AGPAT3: variants seen among roughly 807,000 people sequenced by gnomAD.
AGPAT3 encodes the protein 1-acylglycerol-3-phosphate O-acyltransferase 3.
In AGPAT3, 5 loss-of-function variants were observed where a neutral mutation model predicts 47.3. The observed-to-expected ratio is 0.11, with a 90% CI of 0.06 to 0.22. The LOEUF is 0.22. Ranked by LOEUF, AGPAT3 falls within the 10% of genes least tolerant of loss-of-function variation. The pLI is 1.00. For synonymous variants in AGPAT3, 212 were observed against 208.3 expected (o/e 1.02, Z -0.15); for missense variants, 315 against 493.0 (o/e 0.64, Z 3.42).
chr21:43,873,780 T>C (rs1019810861), intron 1 of AGPAT3, among the ~76,000 whole-genome samples: 2 of 152,230 alleles, frequency 1.3e-5, no homozygotes, highest in Admixed American at 6.5e-5. Flanking sequence ...AAAATGGTTT[T>C]ACCTTTCTTT....
chr21:43,931,627 G>A (rs558683980), intron 2 of AGPAT3, among the ~76,000 whole-genome samples: 4 of 151,684 alleles, frequency 2.6e-5, no homozygotes, highest in East Asian at 3.9e-4. Context: ...CCGTTAGTGC[G>A]ACTCCCAGGC....
chr21:43,914,692 C>T (rs2086692385), intron 2 of AGPAT3, among the ~76,000 whole-genome samples: 2 of 151,830 alleles, frequency 1.3e-5, no homozygotes, highest in African/African-American at 4.8e-5. Context: ...TGGTGTGCCC[C>T]ACCACGCCCA....
intron 2 of AGPAT3, among the ~76,000 whole-genome samples, chr21:43,943,796 T>C (rs1031697349): frequency 3.7e-4 from 56 of 152,286 alleles, no homozygotes; most frequent in African/African-American, 1.3e-3. Flanking sequence ...AGTGGCAGCT[T>C]ATTACCACAT....
At chr21:43,948,344 T>C (rs2088009166) in intron 2 of AGPAT3, 1 of 152,150 alleles carries the variant, frequency 6.6e-6, no homozygotes, top group Non-Finnish European at 1.5e-5. Flanking sequence ...TGACCAGAGG[T>C]ATTTGTTTCT....
Position 43,983,455 on chromosome 21 carries a change from C to T in AGPAT3, c.*1063C>T, listed in dbSNP as rs964991794. On this transcript the variant is annotated 3_prime_UTR_variant, in exon 10 of 10. Coordinates refer to ENST00000291572, the MANE Select transcript of AGPAT3 (RefSeq NM_020132.5). ...AGGTGGGGCACCCCCCACCCCCCAG[C>T]CTCGCACTGTGTCCTTGGGGAAGGC... 1 of 152,276 alleles carries T rather than the reference C, an allele frequency of 6.6e-6. No homozygotes were observed. The highest frequency in any genetic ancestry group is 1.5e-5 in the Non-Finnish European group (1 of 68,086). 9.4% of individuals were successfully genotyped at this position (152,276 alleles called of 1,614,324 possible). A position where few individuals can be genotyped will look rare whatever the true frequency, so the allele number is the denominator to read the frequency against.
rs2086249826 is a variant in AGPAT3 at position 43,897,533 on chromosome 21, TCCTCACATCCCAGAGGGGGCGGCC to T, written c.-111-6423_-111-6400del. ...AGACAGGGCGGCCGGGCAGAGGCGC[TCCTCACATCCCAGAGGGGGCGGCC>T]GGGCAGAGGCGCTCCTCACATCCCA... On this transcript the variant is annotated intron_variant, in intron 1 of 9. Coordinates refer to ENST00000291572, the MANE Select transcript of AGPAT3 (RefSeq NM_020132.5). Among the ~76,000 whole-genome samples, 8 of 151,368 alleles carry T rather than the reference TCCTCACATCCCAGAGGGGGCGGCC, an allele frequency of 5.3e-5. 1 individual carries two copies. The highest frequency in any genetic ancestry group is 1.7e-4 in the African/African-American group (7 of 41,178).
intron 1 of AGPAT3, among the ~76,000 whole-genome samples, chr21:43,895,525 T>TTA (rs1226506167): frequency 1.3e-4 from 19 of 151,938 alleles, no homozygotes; most frequent in African/African-American, 4.3e-4. Flanking sequence ...TTTTTTTTTT[T>TTA]TTTTTACTAT....
intron 1 of AGPAT3, among the ~76,000 whole-genome samples, chr21:43,872,629 A>T (rs2085645933): frequency 6.6e-6 from 1 of 152,218 alleles, no homozygotes; most frequent in South Asian, 2.1e-4. Flanking sequence ...CTCAGTAGAC[A>T]TTCACGTCAT....
In AGPAT3 at chr21:43,876,683, A is replaced by G. The variant is rs370880651; in HGVS notation, c.-112+11338A>G. Among the ~76,000 whole-genome samples the G allele has an allele frequency of 4.6e-5, 7 of 152,314 alleles. 1 individual carries two copies. The highest frequency in any genetic ancestry group is 2.0e-4 in the Admixed American group (3 of 15,294). On this transcript the variant is annotated intron_variant, in intron 1 of 9. Coordinates refer to ENST00000291572, the MANE Select transcript of AGPAT3 (RefSeq NM_020132.5). ...CAGTAGAAGGAATGTCACAGATTAG[A>G]TATACCAAAATGACCAGGCTGTCTG...
intron 1 of AGPAT3, among the ~76,000 whole-genome samples, chr21:43,903,675 G>A (rs1450802474): frequency 1.3e-5 from 2 of 152,214 alleles, no homozygotes; most frequent in Non-Finnish European, 2.9e-5. Context: ...GTCCTTCCTG[G>A]GGCGTGACCT....
chr21:43,879,195 C>G (rs569706939), intron 1 of AGPAT3, among the ~76,000 whole-genome samples: 1 of 152,012 alleles, frequency 6.6e-6, no homozygotes, highest in South Asian at 2.1e-4. Context: ...ACTAAAAATA[C>G]AAAAACTAGC....
At chr21:43,974,258 A>G (rs1378373596) in intron 7 of AGPAT3, among the ~76,000 whole-genome samples, 4 of 152,050 alleles carry the variant, frequency 2.6e-5, no homozygotes, top group Non-Finnish European at 5.9e-5. Context: ...TATAAATTAT[A>G]TGTGTGTGGT....
chr21:43,916,000 T>C (rs2086720009), intron 2 of AGPAT3, among the ~76,000 whole-genome samples: 1 of 152,214 alleles, frequency 6.6e-6, no homozygotes, highest in Non-Finnish European at 1.5e-5. Flanking sequence ...TTTTTACTTC[T>C]ATTTTCCCTT....
At chr21:43,943,232 G>A (rs557142826) in intron 2 of AGPAT3, among the ~76,000 whole-genome samples, 6 of 152,080 alleles carry the variant, frequency 3.9e-5, no homozygotes, top group Non-Finnish European at 8.8e-5. Context: ...CGGCCACCAC[G>A]CCCGGCTAAT....
chr21:43,965,199 G>A (rs988354715), intron 3 of AGPAT3: 2 of 152,306 alleles, frequency 1.3e-5, no homozygotes, highest in African/African-American at 4.8e-5. Context: ...TGGGCTGCTG[G>A]GATTACAGGC....
At chr21:43,899,012 G>A (rs574505316) in intron 1 of AGPAT3, among the ~76,000 whole-genome samples, 3 of 152,086 alleles carry the variant, frequency 2.0e-5, no homozygotes, top group South Asian at 4.1e-4. Flanking sequence ...CACTCTGCCC[G>A]GCCTGATTAC....
rs151002444 is a variant in AGPAT3 at position 43,959,800 on chromosome 21, C to G, written c.119C>G (p.Pro40Arg). 2 of 1,613,154 alleles carry G rather than the reference C, an allele frequency of 1.2e-6. No homozygotes were observed. Among genetic ancestry groups the G allele is most frequent in the Non-Finnish European group, 1.7e-6 (2 of 1,179,920 alleles). Residue 40 changes from proline to arginine, a missense_variant, in exon 3 of 10, where the codon CCG becomes CGG. Transcript: ENST00000291572. ...CAGCTGTGCACGCTGGCGCTCTGGC[C>G]GGTCAGCAAGCAGCTCTACCGCCGC... Reference protein sequence around the residue: ...FVQLCTLALWPVSKQLYRRLN... With the variant: ...FVQLCTLALWRVSKQLYRRLN...
At chr21:43,959,068 G>GTGTGTGGTTTGTGTGTGTGTGGCA (rs2088664211) in intron 2 of AGPAT3, among the ~76,000 whole-genome samples, 5 of 53,042 alleles carry the variant, frequency 9.4e-5, no homozygotes, top group Admixed American at 6.0e-4. Flanking sequence ...GGTATGCGTG[G>GTGTGTGGTTTGTGTGTGTGTGGCA]TGTGTGTGGT....
rs1448585034 is a variant in AGPAT3 at position 43,939,190 on chromosome 21, G to A, written c.-48-20444G>A. 2.0e-5 allele frequency among the ~76,000 whole-genome samples: 3 copies of A among 152,272 alleles called. No homozygotes were observed. Among genetic ancestry groups the A allele is most frequent in the South Asian group, 2.1e-4 (1 of 4,822 alleles). On this transcript the variant is annotated intron_variant, in intron 2 of 9. Transcript: ENST00000291572. This position sits in a 1 kb window ranked among gnomAD's most constrained non-coding sequence, Gnocchi z 4.4. ...TTTCACTTTATCCCACTGTGGCCCC[G>A]TGACCCTGAGCGAGAATGCACTGGC...
Sources: gnomAD v4.1 joint callset for allele counts (sites outside exome capture counted in the v4.1 genomes callset) on GRCh38, gnomAD v4.1.1 for gene constraint, Gnocchi (gnomAD v3.1) non-coding constraint, MANE v1.5 for transcripts, NCBI Gene and HGNC (gene_info 2026-07-23, HGNC 2026-07-21) for gene names.